TMC1: variants seen among roughly 807,000 people sequenced by gnomAD.
TMC1 encodes the protein transmembrane channel-like protein 1.
In TMC1, 84 loss-of-function variants were observed where a neutral mutation model predicts 105.8. The ratio of observed to expected loss-of-function variants is 0.79; its 90% CI spans 0.67 to 0.95. TMC1 has a LOEUF of 0.95. Ranked by LOEUF, TMC1 falls within the 40% of genes least tolerant of loss-of-function variation. The pLI is 0.00. For missense variants in TMC1, 817 were observed against 914.1 expected, an observed-to-expected ratio of 0.89 and a Z score of 1.37; for synonymous variants, 315 against 311.5, an observed-to-expected ratio of 1.01 and a Z score of -0.12.
intron 12 of TMC1, among the ~76,000 whole-genome samples, chr9:72,772,076 A>G (rs1827935625): frequency 6.6e-6 from 1 of 152,180 alleles, no homozygotes; most frequent in Admixed American, 6.5e-5. Flanking sequence ...GTATTAAGCA[A>G]ACTCTTAAAA....
intron 2 of TMC1, among the ~76,000 whole-genome samples, chr9:72,586,866 C>T (rs1274674214): frequency 6.6e-6 from 1 of 152,192 alleles, no homozygotes; most frequent in East Asian, 1.9e-4. Flanking sequence ...GATTGCTACA[C>T]AGGAGTATCT....
chr9:72,596,539 T>TAAAA (rs35140344), intron 2 of TMC1, among the ~76,000 whole-genome samples: 4 of 102,236 alleles, frequency 3.9e-5, no homozygotes, highest in Non-Finnish European at 5.8e-5. Flanking sequence ...GTTTCAATTG[T>TAAAA]AAAAAAAAAA....
At chr9:72,823,830 A>G (rs1440994094) in intron 20 of TMC1, among the ~76,000 whole-genome samples, 1 of 152,212 alleles carries the variant, frequency 6.6e-6, no homozygotes, top group Non-Finnish European at 1.5e-5. Context: ...ATCTTACTGC[A>G]AAGATAATAT....
At chr9:72,770,580 G>A (rs1827909730) in intron 12 of TMC1, among the ~76,000 whole-genome samples, 1 of 150,548 alleles carries the variant, frequency 6.6e-6, no homozygotes, top group Non-Finnish European at 1.5e-5. Context: ...CACCATGTCT[G>A]GCTGATATAT....
chr9:72,560,043 G>A (rs1000705772), intron 1 of TMC1, among the ~76,000 whole-genome samples: 1 of 152,184 alleles, frequency 6.6e-6, no homozygotes, highest in African/African-American at 2.4e-5. Flanking sequence ...ATATCTCCTT[G>A]ATTACAAGGA....
rs71357591 is a variant in TMC1 at position 72,584,784 on chromosome 9, C to CTTTTTTTTT, written c.-306+6771_-306+6779dup. On this transcript the variant is annotated intron_variant, in intron 2 of 23. Transcript: ENST00000297784. ...GTAGTTCTCCTTTTTCTTTTCTTTT[C>CTTTTTTTTT]TTTTTTTTTTTTTTTTTTGAGACAG... Among the ~76,000 whole-genome samples, 271 of 112,958 alleles carry CTTTTTTTTT rather than the reference C, an allele frequency of 2.4e-3. 3 individuals carry two copies. The highest frequency in any genetic ancestry group is 4.1e-3 in the East Asian group (15 of 3,702). 74.1% of individuals were successfully genotyped at this position (112,958 alleles called of 152,430 possible).
chr9:72,756,887 G>A (rs192638560), intron 12 of TMC1, among the ~76,000 whole-genome samples: 6 of 152,100 alleles, frequency 3.9e-5, no homozygotes, highest in Admixed American at 2.0e-4. Context: ...ACTAATGAGT[G>A]GACAAGAGGG....
intron 18 of TMC1, among the ~76,000 whole-genome samples, chr9:72,811,342 C>T (rs1828700163): frequency 6.6e-6 from 1 of 152,092 alleles, no homozygotes; most frequent in Non-Finnish European, 1.5e-5. Flanking sequence ...GAGCAGATTA[C>T]CAGACCAATG....
intron 10 of TMC1, among the ~76,000 whole-genome samples, chr9:72,749,286 C>T (rs945457754): frequency 6.6e-5 from 10 of 152,138 alleles, no homozygotes; most frequent in African/African-American, 9.7e-5. Context: ...ATCCTATATG[C>T]GGGATTTCAT....
At chr9:72,712,533 T>C (rs1171791743) in intron 8 of TMC1, among the ~76,000 whole-genome samples, 2 of 152,206 alleles carry the variant, frequency 1.3e-5, no homozygotes, top group African/African-American at 2.4e-5. Context: ...GTAGCAATTG[T>C]GAATGGGAGT....
intron 17 of TMC1, among the ~76,000 whole-genome samples, chr9:72,803,590 C>A (rs193070723): frequency 1.3e-5 from 2 of 152,286 alleles, no homozygotes; most frequent in East Asian, 3.9e-4. Flanking sequence ...ACAGACACTT[C>A]TCAAAGAAGA....
At chr9:72,639,083 G>A (rs1652393033) in intron 4 of TMC1, among the ~76,000 whole-genome samples, 1 of 151,756 alleles carries the variant, frequency 6.6e-6, no homozygotes, top group South Asian at 2.1e-4. Flanking sequence ...ACGTAAGTAT[G>A]CATTTATTTT....
rs527883681 is a variant in TMC1 at position 72,771,631 on chromosome 9, T to G, written c.742-782T>G. Among the ~76,000 whole-genome samples the G allele has an allele frequency of 1.1e-4, 16 of 152,014 alleles. No homozygotes were observed. The East Asian group carries it at 3.1e-3, about 29-fold the overall frequency. ...GAGAAGTAAGAGGGGAGCTGGGGAG[T>G]GGATAGCTGTAGTGATACAGTAACA... is the stretch of plus-strand genomic sequence containing the variant. On this transcript the variant is annotated intron_variant, in intron 12 of 23. Coordinates refer to ENST00000297784, the MANE Select transcript of TMC1 (RefSeq NM_138691.3).
intron 1 of TMC1, among the ~76,000 whole-genome samples, chr9:72,543,952 C>CTTTTT (rs1554710174): frequency 2.2e-5 from 3 of 134,374 alleles, no homozygotes; most frequent in Non-Finnish European, 4.7e-5. Flanking sequence ...TTCTTTCTTT[C>CTTTTT]TTTTTTTTTT....
intron 1 of TMC1, among the ~76,000 whole-genome samples, chr9:72,575,026 CCTT>C (rs1484666348): frequency 1.3e-5 from 2 of 152,058 alleles, no homozygotes; most frequent in African/African-American, 2.4e-5. Flanking sequence ...AGGCCCCAGT[CCTT>C]CTTTTTGTCA....
chr9:72,583,002 C>T (rs1824497968), intron 2 of TMC1, among the ~76,000 whole-genome samples: 1 of 152,146 alleles, frequency 6.6e-6, no homozygotes, highest in South Asian at 2.1e-4. Context: ...AGGCGGATCA[C>T]TTGAGGTCAG....
chr9:72,760,233 T>A (rs1220618013), intron 12 of TMC1, among the ~76,000 whole-genome samples: 1 of 152,186 alleles, frequency 6.6e-6, no homozygotes, highest in Admixed American at 6.5e-5. Flanking sequence ...AAAAATCGTA[T>A]ATTTGCATGA....
At chr9:72,776,848 A>G (rs1248480084) in intron 13 of TMC1, among the ~76,000 whole-genome samples, 1 of 151,890 alleles carries the variant, frequency 6.6e-6, no homozygotes, top group East Asian at 1.9e-4. Context: ...GGATTCATCT[A>G]TATTGATGAT....
chr9:72,815,664 C>A (rs990340900), intron 18 of TMC1, among the ~76,000 whole-genome samples: 10 of 152,062 alleles, frequency 6.6e-5, no homozygotes, highest in Non-Finnish European at 1.2e-4. Flanking sequence ...TAATTCATTG[C>A]AATATATCAT....
Sources: gnomAD v4.1 joint callset for allele counts (sites outside exome capture counted in the v4.1 genomes callset) on GRCh38, gnomAD v4.1.1 for gene constraint, MANE v1.5 for transcripts, NCBI Gene and HGNC (gene_info 2026-07-23, HGNC 2026-07-21) for gene names.